Variants in GAS7 observed in about 807,000 individuals in gnomAD.
The protein encoded by GAS7 is growth arrest-specific protein 7.
GAS7 carries 28 observed loss-of-function variants against 71.1 expected under a neutral mutation model. That is an observed-to-expected ratio of 0.39 (90% CI 0.29 to 0.54). The LOEUF is 0.54. Among genes scored for constraint, GAS7 ranks in the 20% least tolerant of loss-of-function variants. The probability of loss-of-function intolerance (pLI) is 0.62; values close to 1 mark genes in which losing one functional copy is unlikely to be tolerated. For synonymous variants in GAS7, 258 were observed against 245.8 expected (o/e 1.05, Z -0.46); for missense variants, 436 against 627.8 (o/e 0.69, Z 3.27).
Position 9,911,244 on chromosome 17 carries a change from T to C in GAS7, c.*5984A>G, listed in dbSNP as rs1401703476. 1 of 232,872 alleles carries C rather than the reference T, an allele frequency of 4.3e-6. No individual in the cohort carries two copies. Among genetic ancestry groups the C allele is most frequent in the East Asian group, 6.0e-5 (1 of 16,564 alleles). The allele number at this position is 232,872 out of a possible 1,614,324, so 14.4% of individuals were successfully genotyped here. On this transcript the variant is annotated 3_prime_UTR_variant, in exon 14 of 14. Transcript: ENST00000432992. This position sits in a 1 kb window ranked among gnomAD's most constrained non-coding sequence, Gnocchi z 4.0. The stretch of plus-strand genomic sequence containing the variant: ...CACTTGACAGATGAGTGCACGGAGG[T>C]CCCGACAGGGGATGTGACTTAACTT...
At chr17:9,936,578 G>A (rs2068409600) in intron 8 of GAS7, among the ~76,000 whole-genome samples, 1 of 152,198 alleles carries the variant, frequency 6.6e-6, no homozygotes, top group Admixed American at 6.5e-5. Flanking sequence ...CTCTGAGCCA[G>A]TGCATCCTTG....
At chr17:9,991,175 C>T (rs964285901) in intron 2 of GAS7, among the ~76,000 whole-genome samples, 7 of 152,168 alleles carry the variant, frequency 4.6e-5, no homozygotes, top group Non-Finnish European at 1.0e-4. Flanking sequence ...CAACTTCTAC[C>T]CCAGAAGCTG....
chr17:10,033,887 C>G (rs1326272382), intron 1 of GAS7, among the ~76,000 whole-genome samples: 2 of 152,148 alleles, frequency 1.3e-5, no homozygotes, highest in Admixed American at 6.5e-5. Context: ...TGATTCTAAT[C>G]AAAGACTTCT....
chr17:9,930,312 TAA>T (rs1256974163), intron 9 of GAS7, among the ~76,000 whole-genome samples: 1 of 152,210 alleles, frequency 6.6e-6, no homozygotes, highest in Non-Finnish European at 1.5e-5. Context: ...CAGATAAGTG[TAA>T]AGAGACTGAT....
At chr17:10,140,232 C>T (rs1025479669) in intron 1 of GAS7, among the ~76,000 whole-genome samples, 2 of 152,112 alleles carry the variant, frequency 1.3e-5, no homozygotes, top group African/African-American at 4.8e-5. Context: ...GAGGTCAAGG[C>T]GGGAGGACTG....
chr17:10,003,274 G>A (rs2152169879), intron 2 of GAS7, among the ~76,000 whole-genome samples: 1 of 152,302 alleles, frequency 6.6e-6, no homozygotes, highest in East Asian at 1.9e-4. Flanking sequence ...GGCCCAGAGG[G>A]GCAGTAAAGA....
intron 1 of GAS7, chr17:10,059,797 A>G: frequency 2.0e-6 from 2 of 985,276 alleles, no homozygotes; most frequent in Non-Finnish European, 2.4e-6. Context: ...TCACTGTGCA[A>G]AGCAGCATTT....
chr17:9,947,764 C>CAA (rs11401652), intron 5 of GAS7, among the ~76,000 whole-genome samples: 101 of 94,776 alleles, frequency 1.1e-3, no homozygotes, highest in African/African-American at 2.1e-3. Flanking sequence ...AACTATGTCT[C>CAA]AAAAAAAAAA....
intron 1 of GAS7, among the ~76,000 whole-genome samples, chr17:10,087,118 T>C (rs1223227371): frequency 6.6e-6 from 1 of 152,192 alleles, no homozygotes; most frequent in African/African-American, 2.4e-5. Context: ...CTGGTGTGCA[T>C]GGAGAAGACC....
At chr17:10,017,518 G>A (rs752756584) in intron 2 of GAS7, among the ~76,000 whole-genome samples, 22 of 151,940 alleles carry the variant, frequency 1.4e-4, no homozygotes, top group Non-Finnish European at 2.5e-4. Context: ...TAGTAGAGAC[G>A]GGGTTTCACC....
chr17:10,173,778 GA>G lies in GAS7; in HGVS notation c.183+24429del, dbSNP rs908744090. On this transcript the variant is annotated intron_variant, in intron 1 of 13. Coordinates refer to ENST00000432992, the MANE Select transcript of GAS7 (RefSeq NM_201433.2). ...GCTAGACTCCGTCTCAAAAAAAAAA[GA>G]AAAAAAAAGAGACCCTCTCTCCTTT... 2.8e-3 allele frequency among the ~76,000 whole-genome samples: 416 copies of G among 149,174 alleles called. 3 individuals are homozygous for G. Among genetic ancestry groups the G allele is most frequent in the African/African-American group, 1.0e-2 (400 of 40,062 alleles).
chr17:10,114,135 G>C (rs8067776), intron 1 of GAS7, among the ~76,000 whole-genome samples: 146,573 of 151,958 alleles, frequency 0.96, 70,697 homozygotes, highest in South Asian at 0.98. Context: ...CCTATGTTGC[G>C]CAGGCTGATC....
chr17:9,943,313 C>G, intron 6 of GAS7, 77 bp from the exon 7 acceptor site: 2 of 870,426 alleles, frequency 2.3e-6, no homozygotes. Context: ...AGAGGGAGGA[C>G]GGCTCCTAGA....
rs1273098617 is a variant in GAS7 at position 9,912,823 on chromosome 17, A to G, written c.*4405T>C. On this transcript the variant is annotated 3_prime_UTR_variant, in exon 14 of 14. Coordinates refer to ENST00000432992, the MANE Select transcript of GAS7 (RefSeq NM_201433.2). ...CAAGAACTTCCAGGGCGAAAGGCTC[A>G]GTGTAAAAATAAAGAAGCAGAGTAG... 1.7e-5 allele frequency: 4 copies of G among 232,592 alleles called. No homozygotes were observed. Among genetic ancestry groups the G allele is most frequent in the Admixed American group, 1.1e-4 (2 of 17,758 alleles). The allele number at this position is 232,592 out of a possible 1,614,324, so 14.4% of individuals were successfully genotyped here.
chr17:10,117,903 GA>G (rs1284704071), intron 1 of GAS7, among the ~76,000 whole-genome samples: 1 of 151,870 alleles, frequency 6.6e-6, no homozygotes, highest in African/African-American at 2.4e-5. Flanking sequence ...TGGAATGTGA[GA>G]AAAAAAGGGG....
chr17:9,931,378 G>A (rs936974953), intron 9 of GAS7, among the ~76,000 whole-genome samples: 1 of 152,188 alleles, frequency 6.6e-6, no homozygotes, highest in East Asian at 1.9e-4. Context: ...TCAAGAATCA[G>A]GGGTCCTGCT....
At chr17:10,009,746 C>T (rs1005692075) in intron 2 of GAS7, among the ~76,000 whole-genome samples, 6 of 150,574 alleles carry the variant, frequency 4.0e-5, no homozygotes, top group Non-Finnish European at 1.5e-5. Context: ...GTGACATATG[C>T]CCATGGTCCC....
At position 9,910,789 on chromosome 17, in the gene GAS7, A is replaced by T. The variant is rs1166483604; in HGVS notation, c.*6439T>A. 4.4e-6 allele frequency: 1 copy of T among 225,792 alleles called. No homozygotes were observed. The highest frequency in any genetic ancestry group is 8.8e-6 in the Non-Finnish European group (1 of 113,202). 14.0% of individuals were successfully genotyped at this position (225,792 alleles called of 1,614,324 possible). On this transcript the variant is annotated 3_prime_UTR_variant, in exon 14 of 14. Transcript: ENST00000432992. ...CCTCCACTGGGATCAGGGTTTCAACAGTGTTACTTATAAATTATATTACAT... is the reference window on the plus strand; with the variant it reads ...CCTCCACTGGGATCAGGGTTTCAACTGTGTTACTTATAAATTATATTACAT...
chr17:10,073,894 T>A (rs540259975), intron 1 of GAS7, among the ~76,000 whole-genome samples: 99 of 152,356 alleles, frequency 6.5e-4, no homozygotes, highest in Middle Eastern at 3.4e-3. Context: ...CCCATAGCCA[T>A]TGAGCCTGGC....
Sources: gnomAD v4.1 joint callset for allele counts (sites outside exome capture counted in the v4.1 genomes callset) on GRCh38, gnomAD v4.1.1 for gene constraint, Gnocchi (gnomAD v3.1) non-coding constraint, MANE v1.5 for transcripts, NCBI Gene and HGNC (gene_info 2026-07-23, HGNC 2026-07-21) for gene names.